Variants in CACNA1C observed in about 807,000 individuals in gnomAD.
CACNA1C encodes voltage-dependent L-type calcium channel subunit alpha-1C.
CACNA1C carries 30 observed loss-of-function variants against 229.0 expected under a neutral mutation model. The ratio of observed to expected loss-of-function variants is 0.13; its 90% confidence interval spans 0.10 to 0.18. CACNA1C has a LOEUF of 0.18. CACNA1C is among the 10% of genes least tolerant of loss of function. CACNA1C has a pLI of 1.00. For synonymous variants in CACNA1C, 1,114 were observed against 1,132.5 expected (o/e 0.98, Z 0.33); for missense variants, 1,658 against 2,845.0 (o/e 0.58, Z 9.49).
intron 3 of CACNA1C, among the ~76,000 whole-genome samples, chr12:2,421,371 T>C (rs1473122231): frequency 6.6e-6 from 1 of 152,224 alleles, no homozygotes; most frequent in Non-Finnish European, 1.5e-5. Context: ...AATGCCTGCT[T>C]AGAACTTTGC....
chr12:2,053,706 T>A lies in CACNA1C; in HGVS notation c.49+95T>A, dbSNP rs2053139059. 7.5e-6 allele frequency: 6 copies of A among 800,008 alleles called. No homozygotes were observed. Among genetic ancestry groups the A allele is most frequent in the East Asian group, 9.3e-5 (1 of 10,736 alleles). 49.6% of individuals were successfully genotyped at this position (800,008 alleles called of 1,614,324 possible). A position where few individuals can be genotyped will look rare whatever the true frequency, so the allele number is the denominator to read the frequency against. On this transcript the variant is annotated intron_variant, in intron 1 of 46. Transcript: ENST00000399655. This position sits in a 1 kb window ranked among gnomAD's most constrained non-coding sequence, Gnocchi z 5.8. ...TCCCCGCGGCCCCGGGGCCGGTCCC[T>A]GCGGAGTGGCCCGGGGCCGCGTCCG...
chr12:2,585,996 C>A lies in CACNA1C; in HGVS notation c.2530+92C>A. The A allele has an allele frequency of 1.4e-6, 1 of 690,770 alleles. No individual in the cohort carries two copies. The highest frequency in any genetic ancestry group is 2.4e-6 in the Non-Finnish European group (1 of 413,350). The allele number at this position is 690,770 out of a possible 1,614,324, so 42.8% of individuals were successfully genotyped here. A position where few individuals can be genotyped will look rare whatever the true frequency, so the allele number is the denominator to read the frequency against. The stretch of plus-strand genomic sequence containing the variant: ...GTGGGAGTGGCCATATATTAGGGAC[C>A]ATGGTTCCAGTGTCCCTCTGTAAGT... On this transcript the variant is annotated intron_variant, in intron 18 of 46. Transcript: ENST00000399655. The surrounding 1 kb of genome is among the most constrained non-coding windows in gnomAD (Gnocchi z 4.1).
intron 3 of CACNA1C, among the ~76,000 whole-genome samples, chr12:2,130,180 C>G (rs1379634430): frequency 7.1e-6 from 1 of 141,492 alleles, no homozygotes; most frequent in Non-Finnish European, 1.5e-5. Context: ...CTCGACTACC[C>G]CATGAGACCT....
At chr12:2,620,268 T>A (rs1233412830) in intron 29 of CACNA1C, among the ~76,000 whole-genome samples, 1 of 151,934 alleles carries the variant, frequency 6.6e-6, no homozygotes, top group Non-Finnish European at 1.5e-5. Context: ...AATACTGCTC[T>A]AAGCACCTTA....
chr12:2,544,550 TA>T (rs1599536921), intron 9 of CACNA1C, among the ~76,000 whole-genome samples: 2 of 152,356 alleles, frequency 1.3e-5, no homozygotes, highest in East Asian at 3.8e-4. Flanking sequence ...TAAATCATTA[TA>T]ACTAGGCTCA....
In CACNA1C at chr12:2,053,059, G is replaced by A. The variant is rs1469881500; in HGVS notation, c.-504G>A. On this transcript the variant is annotated 5_prime_UTR_variant, in exon 1 of 47. Coordinates refer to ENST00000399655, the MANE Select transcript of CACNA1C (RefSeq NM_000719.7). This position sits in a 1 kb window ranked among gnomAD's most constrained non-coding sequence, Gnocchi z 5.8. The stretch of plus-strand genomic sequence containing the variant: ...CTCGGCGCGGCGCGGCGGGCCCGGA[G>A]CGGCGGCGGCGGCTCTTCCTGCCTC... The A allele has an allele frequency of 2.0e-6, 2 of 983,062 alleles. No homozygotes were observed. The highest frequency in any genetic ancestry group is 1.2e-6 in the Non-Finnish European group (1 of 828,544). The allele number at this position is 983,062 out of a possible 1,614,324, so 60.9% of individuals were successfully genotyped here.
At chr12:2,448,268 C>T (rs1426986144) in intron 3 of CACNA1C, among the ~76,000 whole-genome samples, 1 of 152,198 alleles carries the variant, frequency 6.6e-6, no homozygotes, top group Non-Finnish European at 1.5e-5. Flanking sequence ...AAGAGAGGGG[C>T]TCTTTCCATT....
intron 3 of CACNA1C, among the ~76,000 whole-genome samples, chr12:2,345,490 C>A (rs2096986315): frequency 1.3e-5 from 2 of 152,178 alleles, no homozygotes; most frequent in South Asian, 4.1e-4. Flanking sequence ...CACATACTAA[C>A]TCAGTAACTT....
intron 3 of CACNA1C, among the ~76,000 whole-genome samples, chr12:2,142,569 C>T (rs1479891591): frequency 6.6e-6 from 1 of 151,330 alleles, no homozygotes; most frequent in Non-Finnish European, 1.5e-5. Flanking sequence ...GCACGTCCTT[C>T]AGGAGGTAGC....
intron 1 of CACNA1C, among the ~76,000 whole-genome samples, chr12:2,070,240 G>A (rs1254817728): frequency 6.6e-6 from 1 of 152,206 alleles, no homozygotes; most frequent in Non-Finnish European, 1.5e-5. Flanking sequence ...TTAAAGGAAT[G>A]AGGATGTCCC....
chr12:2,330,546 T>A (rs2096512207), intron 3 of CACNA1C, among the ~76,000 whole-genome samples: 1 of 152,224 alleles, frequency 6.6e-6, no homozygotes, highest in Non-Finnish European at 1.5e-5. Flanking sequence ...GCGACTTGAT[T>A]TGAATCCAGG....
chr12:2,353,700 C>T (rs1008641821), intron 3 of CACNA1C, among the ~76,000 whole-genome samples: 6 of 152,230 alleles, frequency 3.9e-5, no homozygotes, highest in Admixed American at 6.5e-5. Context: ...GAGCATGACC[C>T]GTGCCTCAAT....
At chr12:2,040,678 A>G (rs2049932689) in intron 1 of CACNA1C, among the ~76,000 whole-genome samples, 1 of 152,238 alleles carries the variant, frequency 6.6e-6, no homozygotes, top group Admixed American at 6.5e-5. Flanking sequence ...AATGGTTGGA[A>G]TTGTGGTTAA....
intron 1 of CACNA1C, among the ~76,000 whole-genome samples, chr12:1,986,248 C>T (rs2037747087): frequency 6.6e-6 from 1 of 152,188 alleles, no homozygotes; most frequent in Non-Finnish European, 1.5e-5. Flanking sequence ...ATGTAGCTCA[C>T]AGGTGGACCC....
intron 13 of CACNA1C, among the ~76,000 whole-genome samples, chr12:2,572,464 C>T (rs1227777677): frequency 5.6e-5 from 2 of 35,496 alleles, no homozygotes; most frequent in African/African-American, 1.1e-4. Context: ...CCTCCTCCTC[C>T]TCTTCCTCCT....
chr12:2,360,385 C>T (rs1345884377), intron 3 of CACNA1C, among the ~76,000 whole-genome samples: 1 of 152,174 alleles, frequency 6.6e-6, no homozygotes. Flanking sequence ...TCCAGCATCC[C>T]TGCTGGGTCA....
chr12:2,087,636 A>G (rs547612483), intron 1 of CACNA1C, among the ~76,000 whole-genome samples: 1 of 152,366 alleles, frequency 6.6e-6, no homozygotes, highest in South Asian at 2.1e-4. Context: ...GAAAAAAATC[A>G]TAAATTCCAG....
chr12:2,374,763 C>G (rs1242868685), intron 3 of CACNA1C, among the ~76,000 whole-genome samples: 1 of 152,196 alleles, frequency 6.6e-6, no homozygotes, highest in East Asian at 1.9e-4. Flanking sequence ...CATTAGGTGA[C>G]AAATAAACCA....
intron 30 of CACNA1C, among the ~76,000 whole-genome samples, chr12:2,644,855 C>T (rs983221991): frequency 5.3e-5 from 8 of 152,198 alleles, no homozygotes; most frequent in African/African-American, 1.9e-4. Context: ...TCCTCACTGC[C>T]AGTTCTGCCA....
Sources: gnomAD v4.1 joint callset for allele counts (sites outside exome capture counted in the v4.1 genomes callset) on GRCh38, gnomAD v4.1.1 for gene constraint, Gnocchi (gnomAD v3.1) non-coding constraint, MANE v1.5 for transcripts, NCBI Gene and HGNC (gene_info 2026-07-23, HGNC 2026-07-21) for gene names.